SLAMF6: variants seen among roughly 807,000 people sequenced by gnomAD.
SLAMF6 encodes the protein NK-T-B-antigen.
SLAMF6 carries 21 observed loss-of-function variants against 38.3 expected under a neutral mutation model. The ratio of observed to expected loss-of-function variants is 0.55; its 90% CI spans 0.39 to 0.79. SLAMF6 has a LOEUF of 0.79. Ranked by LOEUF, SLAMF6 falls within the 30% of genes least tolerant of loss-of-function variation. The pLI is 0.00. For synonymous variants in SLAMF6, 152 were observed against 146.3 expected (o/e 1.04, Z -0.28); for missense variants, 341 against 385.3 (o/e 0.89, Z 0.96).
intron 2 of SLAMF6, among the ~76,000 whole-genome samples, chr1:160,494,582 T>A (rs775667211): frequency 6.6e-6 from 1 of 152,196 alleles, no homozygotes; most frequent in African/African-American, 2.4e-5. Flanking sequence ...TATGACATTA[T>A]CCAGTATAAC....
chr1:160,495,937 C>T (rs960564367), intron 2 of SLAMF6, 124 bp downstream of exon 2: 9 of 851,328 alleles, frequency 1.1e-5, no homozygotes, highest in Non-Finnish European at 1.8e-6. Flanking sequence ...TTGACACTGA[C>T]TCAATGACTC....
At chr1:160,502,167 G>A (rs1653938370) in intron 1 of SLAMF6, among the ~76,000 whole-genome samples, 1 of 152,168 alleles carries the variant, frequency 6.6e-6, no homozygotes, top group African/African-American at 2.4e-5. Context: ...CCTTGGCATG[G>A]ACATTGATGT....
chr1:160,489,250 ACT>A, intron 5 of SLAMF6, 80 bp from the exon 6 acceptor site: 1 of 1,379,854 alleles, frequency 7.2e-7, no homozygotes, highest in South Asian at 1.2e-5. Flanking sequence ...CCCAGAGCAC[ACT>A]GTGTCCCCAG....
chr1:160,488,992 A>T (rs3795327), intron 6 of SLAMF6, 96 bp downstream of exon 6: 10 of 1,128,860 alleles, frequency 8.9e-6, no homozygotes, highest in Non-Finnish European at 1.3e-5. Context: ...TCCTCCCCTC[A>T]GTGGTCATTT....
intron 1 of SLAMF6, among the ~76,000 whole-genome samples, chr1:160,521,969 A>C (rs927657992): frequency 6.6e-6 from 1 of 152,118 alleles, no homozygotes; most frequent in African/African-American, 2.4e-5. Context: ...GAGGGCAGGA[A>C]TTTTTGCTTG....
intron 1 of SLAMF6, among the ~76,000 whole-genome samples, chr1:160,511,145 C>G (rs3953020): frequency 6.6e-6 from 1 of 152,048 alleles, no homozygotes; most frequent in African/African-American, 2.4e-5. Flanking sequence ...TATGCCGATA[C>G]CACCAAAAGC....
intron 1 of SLAMF6, among the ~76,000 whole-genome samples, chr1:160,518,100 C>T (rs988824543): frequency 2.0e-5 from 3 of 151,656 alleles, no homozygotes; most frequent in South Asian, 2.1e-4. Flanking sequence ...TAAACTTACT[C>T]TTCAGGTGTT....
rs1653210154 is a variant in SLAMF6, at chr1:160,490,217, A to G, written c.777T>C (p.Thr259=). ...RKRRDSLSLS[T]QRTQGPAESA... is the part of the protein sequence containing the mutation. ...GCTCACCGGGGCCCTGTGTTCGCTGAGTAGACAAAGATAGGGAATCTGAAA... is the reference window on the plus strand; with the variant it reads ...GCTCACCGGGGCCCTGTGTTCGCTGGGTAGACAAAGATAGGGAATCTGAAA... Residue 259 remains threonine (T), a synonymous_variant, in exon 5 of 8, where the codon ACT becomes ACC. Transcript: ENST00000368057. 1 of 1,613,688 alleles carries G rather than the reference A, an allele frequency of 6.2e-7. No individual in the cohort carries two copies. Among genetic ancestry groups the G allele is most frequent in the South Asian group, 1.1e-5 (1 of 91,070 alleles).
rs1371109634 is a variant in SLAMF6 at position 160,490,184 on chromosome 1, G to A, written c.796+14C>T. On this transcript the variant is annotated intron_variant, in intron 5 of 7. Coordinates refer to ENST00000368057, the MANE Select transcript of SLAMF6 (RefSeq NM_001184714.2). The stretch of plus-strand genomic sequence containing the variant: ...TCTGCTTTATGATGGAGAGTTAAGA[G>A]TCTGAATGCTCACCGGGGCCCTGTG... 1 of 1,613,496 alleles carries A rather than the reference G, an allele frequency of 6.2e-7. No individual in the cohort carries two copies. Among genetic ancestry groups the A allele is most frequent in the Non-Finnish European group, 8.5e-7 (1 of 1,179,624 alleles).
At chr1:160,514,348 T>A (rs1408637143) in intron 1 of SLAMF6, among the ~76,000 whole-genome samples, 1 of 152,130 alleles carries the variant, frequency 6.6e-6, no homozygotes, top group African/African-American at 2.4e-5. Flanking sequence ...AAAAGCAGAT[T>A]CCTAAAATAA....
At chr1:160,509,084 A>G (rs1210694534) in intron 1 of SLAMF6, among the ~76,000 whole-genome samples, 2 of 152,242 alleles carry the variant, frequency 1.3e-5, no homozygotes, top group African/African-American at 2.4e-5. Context: ...ACCATTGTGG[A>G]AGACAGTGTG....
At chr1:160,512,416 T>C (rs1654519370) in intron 1 of SLAMF6, among the ~76,000 whole-genome samples, 1 of 152,164 alleles carries the variant, frequency 6.6e-6, no homozygotes, top group South Asian at 2.1e-4. Context: ...TCATCAGACT[T>C]AGTCTTTTCC....
chr1:160,486,660 A>G lies in SLAMF6; in HGVS notation c.*47T>C. ...CCTGTTCTTTGTTCTGTCTCATGGG[A>G]TCAGAAGACGTGTCATTCCCGAATT... On this transcript the variant is annotated 3_prime_UTR_variant, in exon 8 of 8. Transcript: ENST00000368057. 1 of 1,550,660 alleles carries G rather than the reference A, an allele frequency of 6.4e-7. No homozygotes were observed. Among genetic ancestry groups the G allele is most frequent in the Non-Finnish European group, 8.9e-7 (1 of 1,122,860 alleles).
Position 160,496,177 on chromosome 1 carries a change from G to C in SLAMF6, c.266C>G (p.Thr89Ser), listed in dbSNP as rs1244655536. The C allele has an allele frequency of 6.2e-7, 1 of 1,613,824 alleles. No homozygotes were observed. Among genetic ancestry groups the C allele is most frequent in the East Asian group, 2.2e-5 (1 of 44,882 alleles). The change falls in exon 2 of 8, where the codon ACC (threonine) becomes AGC (serine). Residue 89 changes from threonine to serine, a missense_variant. Thr to Ser is a moderately conservative substitution (Grantham distance 58, BLOSUM62 1). Coordinates refer to ENST00000368057, the MANE Select transcript of SLAMF6 (RefSeq NM_001184714.2). ...NPKQGKRLNFTQSYSLQLSNL... is the reference protein window; with the variant it reads ...NPKQGKRLNFSQSYSLQLSNL... ...GCTGAGTTGCAGGGAGTAGGACTGGGTGAAGTTCAGTCGCTTTCCCTGTTT... is the reference window on the plus strand; with the variant it reads ...GCTGAGTTGCAGGGAGTAGGACTGGCTGAAGTTCAGTCGCTTTCCCTGTTT...
At chr1:160,499,986 AAT>A (rs1362936562) in intron 1 of SLAMF6, among the ~76,000 whole-genome samples, 12 of 152,240 alleles carry the variant, frequency 7.9e-5, no homozygotes, top group African/African-American at 2.7e-4. Context: ...AGAGAATACA[AAT>A]ATATGATTCT....
At chr1:160,520,815 T>G (rs1557952533) in intron 1 of SLAMF6, among the ~76,000 whole-genome samples, 1 of 152,206 alleles carries the variant, frequency 6.6e-6, no homozygotes, top group Admixed American at 6.6e-5. Flanking sequence ...AAGATTAATT[T>G]CATTTGCCCC....
At chr1:160,490,041 A>G (rs2102015788) in intron 5 of SLAMF6, 157 bp downstream of exon 5, 3 of 851,316 alleles carry the variant, frequency 3.5e-6, no homozygotes, top group Admixed American at 3.6e-5. Flanking sequence ...TGTAGGACCC[A>G]TGATTACAGA....
At chr1:160,499,540 G>A (rs561116781) in intron 1 of SLAMF6, among the ~76,000 whole-genome samples, 2 of 152,038 alleles carry the variant, frequency 1.3e-5, no homozygotes, top group East Asian at 3.8e-4. Flanking sequence ...TTGACTATTT[G>A]GGCTCTTTTT....
intron 1 of SLAMF6, among the ~76,000 whole-genome samples, chr1:160,509,341 C>G (rs529528483): frequency 2.6e-5 from 4 of 152,316 alleles, no homozygotes; most frequent in African/African-American, 9.6e-5. Flanking sequence ...AGGAAGAGCT[C>G]TTGTCCTTTG....
Sources: allele counts gnomAD v4.1 joint callset (sites outside exome capture counted in the v4.1 genomes callset), GRCh38; gene constraint gnomAD v4.1.1; transcripts MANE v1.5; gene names NCBI Gene and HGNC (gene_info 2026-07-23, HGNC 2026-07-21).